PLEKHA7: variants seen among roughly 807,000 people sequenced by gnomAD.
PLEKHA7 encodes the protein pleckstrin homology domain containing A7.
Under a neutral mutation model 170.0 loss-of-function variants are expected in PLEKHA7, and 104 were observed. The ratio of observed to expected loss-of-function variants is 0.61; its 90% CI spans 0.52 to 0.72. The LOEUF (loss-of-function observed/expected upper bound fraction) is 0.72. Among genes scored for constraint, PLEKHA7 ranks in the 30% least tolerant of loss-of-function variants. The probability of loss-of-function intolerance (pLI) is 0.00; values close to 1 mark genes in which losing one functional copy is unlikely to be tolerated. For missense variants in PLEKHA7, 1,615 were observed against 1,671.7 expected (o/e 0.97, Z 0.59); for synonymous variants, 648 against 660.8 (o/e 0.98, Z 0.30).
intron 21 of PLEKHA7, chr11:16,790,098 T>C (rs1283125293): frequency 1.8e-6 from 1 of 557,426 alleles, no homozygotes; most frequent in Admixed American, 3.1e-5. Flanking sequence ...GCAGTGTCCC[T>C]GCAGATCTGT....
chr11:16,920,789 G>A lies in PLEKHA7; in HGVS notation c.222-49607C>T, dbSNP rs536757725. On this transcript the variant is annotated intron_variant, in intron 3 of 26. Transcript: ENST00000531066. ...GGAGCAGAGTGCACAGCTCCATGCC[G>A]TGGAAACTCTTTCTTTGCTAACCAG... is the stretch of plus-strand genomic sequence containing the variant. Among the ~76,000 whole-genome samples the A allele has an allele frequency of 8.5e-5, 13 of 152,298 alleles. 1 individual carries two copies. Among genetic ancestry groups the A allele is most frequent in the Middle Eastern group, 3.4e-3 (1 of 294 alleles).
intron 3 of PLEKHA7, among the ~76,000 whole-genome samples, chr11:16,921,753 T>C (rs1379400419): frequency 1.3e-5 from 2 of 152,236 alleles, no homozygotes; most frequent in Non-Finnish European, 2.9e-5. Flanking sequence ...TGGTATCTAG[T>C]TAGCTATCAA....
chr11:16,783,710 C>A lies in PLEKHA7; in HGVS notation c.3640G>T (p.Ala1214Ser). 2.0e-6 allele frequency: 3 copies of A among 1,466,558 alleles called. No homozygotes were observed. Among genetic ancestry groups the A allele is most frequent in the Non-Finnish European group, 2.7e-6 (3 of 1,112,748 alleles). The allele number at this position is 1,466,558 out of a possible 1,614,324, so 90.8% of individuals were successfully genotyped here. The change falls in exon 25 of 27, where the codon GCC becomes TCC. Residue 1214 changes from alanine to serine, a missense_variant. Coordinates refer to ENST00000531066, the MANE Select transcript of PLEKHA7 (RefSeq NM_001329630.2). ...RKAEKIRNIL[A>S]RSSMCNLQPT... ...CAAGCGAGGGCTGACCTTGACCGGGCGAGGATGTTGCGGATCTTCTCGGCT... is the reference window on the plus strand; with the variant it reads ...CAAGCGAGGGCTGACCTTGACCGGGAGAGGATGTTGCGGATCTTCTCGGCT...
At chr11:16,965,827 A>G (rs1484497131) in intron 3 of PLEKHA7, among the ~76,000 whole-genome samples, 1 of 152,202 alleles carries the variant, frequency 6.6e-6, no homozygotes, top group Non-Finnish European at 1.5e-5. Flanking sequence ...AGTAAATGAG[A>G]GAGTCCAGAT....
intron 3 of PLEKHA7, among the ~76,000 whole-genome samples, chr11:16,900,710 G>C (rs1408630810): frequency 1.3e-5 from 2 of 152,136 alleles, no homozygotes; most frequent in Non-Finnish European, 2.9e-5. Flanking sequence ...TTTGAGGAAT[G>C]GCTCAATTCC....
At chr11:16,888,243 C>T (rs997598583) in intron 3 of PLEKHA7, among the ~76,000 whole-genome samples, 32 of 126,608 alleles carry the variant, frequency 2.5e-4, no homozygotes, top group Admixed American at 4.1e-4. Context: ...ACCCAGCAGC[C>T]GCCCCGTCCA....
At chr11:16,833,986 T>C (rs1296872707) in intron 9 of PLEKHA7, among the ~76,000 whole-genome samples, 1 of 151,884 alleles carries the variant, frequency 6.6e-6, no homozygotes, top group African/African-American at 2.4e-5. Flanking sequence ...GAGTTTTATA[T>C]ATAGATATAT....
At position 16,786,530 on chromosome 11, in the gene PLEKHA7, C is replaced by T. The variant is rs909419659; in HGVS notation, c.3358-143G>A. On this transcript the variant is annotated intron_variant, in intron 23 of 26. Transcript: ENST00000531066. Reference sequence around the variant, plus strand: ...GCTGTATGTGCAATAGAGAATGAAGCTGCTGTCCCCTTCATATGGGCTGTT... The same window carrying T: ...GCTGTATGTGCAATAGAGAATGAAGTTGCTGTCCCCTTCATATGGGCTGTT... The T allele has an allele frequency of 3.4e-6, 5 of 1,461,478 alleles. No individual in the cohort carries two copies. The African/African-American group carries it at 7.1e-5, about 21-fold the overall frequency. 90.5% of individuals were successfully genotyped at this position (1,461,478 alleles called of 1,614,324 possible).
chr11:16,880,881 AT>A (rs1490750179), intron 3 of PLEKHA7, among the ~76,000 whole-genome samples: 1 of 152,198 alleles, frequency 6.6e-6, no homozygotes, highest in Admixed American at 6.5e-5. Context: ...TGTTTCCAGG[AT>A]GTTCCCTCCA....
chr11:16,981,880 G>A (rs1472620313), intron 3 of PLEKHA7, among the ~76,000 whole-genome samples: 1 of 152,150 alleles, frequency 6.6e-6, no homozygotes, highest in South Asian at 2.1e-4. Context: ...TCATGGAGCC[G>A]GAATGCAGGG....
intron 3 of PLEKHA7, among the ~76,000 whole-genome samples, chr11:16,971,089 T>A (rs1228267616): frequency 1.3e-5 from 2 of 152,200 alleles, no homozygotes; most frequent in Non-Finnish European, 2.9e-5. Flanking sequence ...AGAGAATATC[T>A]TACTGTGTTT....
chr11:16,817,040 G>T lies in PLEKHA7; in HGVS notation c.1626C>A (p.Cys542Ter). Residue 542 changes from cysteine (C) to a stop codon, truncating the protein, a stop_gained, in exon 11 of 27, where the codon TGC becomes TGA. Coordinates refer to ENST00000531066, the MANE Select transcript of PLEKHA7 (RefSeq NM_001329630.2). LOFTEE classifies it high-confidence loss of function. The surrounding 1 kb of genome is among the most constrained non-coding windows in gnomAD (Gnocchi z 4.4). ...FRHGSPTAPI[C>*]LGSPEFTDQG... is the part of the protein sequence containing the mutation. Reference sequence around the variant, plus strand: ...GGTCGGTGAACTCTGGGGAGCCAAGGCAGATGGGCGCTGTGGGGCTGCCGT... The same window carrying T: ...GGTCGGTGAACTCTGGGGAGCCAAGTCAGATGGGCGCTGTGGGGCTGCCGT... 6.2e-7 allele frequency: 1 copy of T among 1,607,354 alleles called. No homozygotes were observed. The highest frequency in any genetic ancestry group is 8.5e-7 in the Non-Finnish European group (1 of 1,176,080).
chr11:16,972,772 C>T (rs931581735), intron 3 of PLEKHA7, among the ~76,000 whole-genome samples: 29 of 152,168 alleles, frequency 1.9e-4, no homozygotes, highest in African/African-American at 5.3e-4. Flanking sequence ...CACCTCCAAA[C>T]ATAAATAGCC....
intron 8 of PLEKHA7, among the ~76,000 whole-genome samples, chr11:16,850,087 T>C (rs996191971): frequency 6.6e-6 from 1 of 152,184 alleles, no homozygotes; most frequent in Non-Finnish European, 1.5e-5. Flanking sequence ...GCTCACACCA[T>C]GGACACCACA....
At chr11:16,955,745 G>A (rs548436092) in intron 3 of PLEKHA7, among the ~76,000 whole-genome samples, 1 of 152,284 alleles carries the variant, frequency 6.6e-6, no homozygotes, top group South Asian at 2.1e-4. Flanking sequence ...TAGAATGGGG[G>A]CTTGGGGGAA....
At chr11:16,828,949 A>T (rs1392225152) in intron 9 of PLEKHA7, among the ~76,000 whole-genome samples, 9 of 152,136 alleles carry the variant, frequency 5.9e-5, no homozygotes, top group Admixed American at 5.9e-4. Context: ...AAGCTCCTAC[A>T]TCTAACCATA....
intron 3 of PLEKHA7, among the ~76,000 whole-genome samples, chr11:16,910,333 C>A (rs1037375937): frequency 6.6e-6 from 1 of 152,220 alleles, no homozygotes; most frequent in South Asian, 2.1e-4. Context: ...AGGCAAATTG[C>A]AGATTGGAGT....
At position 16,789,382 on chromosome 11, in the gene PLEKHA7, T is replaced by C; in HGVS notation, c.3157-86A>G. 3 of 1,307,408 alleles carry C rather than the reference T, an allele frequency of 2.3e-6. No individual in the cohort carries two copies. Among genetic ancestry groups the C allele is most frequent in the South Asian group, 2.4e-5 (2 of 82,172 alleles). 81.0% of individuals were successfully genotyped at this position (1,307,408 alleles called of 1,614,324 possible). A position where few individuals can be genotyped will look rare whatever the true frequency, so the allele number is the denominator to read the frequency against. On this transcript the variant is annotated intron_variant, in intron 22 of 26. Coordinates refer to ENST00000531066, the MANE Select transcript of PLEKHA7 (RefSeq NM_001329630.2). This position sits in a 1 kb window ranked among gnomAD's most constrained non-coding sequence, Gnocchi z 4.6. ...AGCCACCCTGCTGGCTGCATTCCCG[T>C]TGTCTCTCTCTCACACACATGCACA...
At chr11:16,936,075 G>GA (rs1284272919) in intron 3 of PLEKHA7, among the ~76,000 whole-genome samples, 20 of 152,260 alleles carry the variant, frequency 1.3e-4, no homozygotes, top group Middle Eastern at 3.4e-3. Context: ...GCTGAATAGA[G>GA]AAAGTTTAAT....
Sources: gnomAD v4.1 joint callset for allele counts (sites outside exome capture counted in the v4.1 genomes callset) on GRCh38, gnomAD v4.1.1 for gene constraint, Gnocchi (gnomAD v3.1) non-coding constraint, MANE v1.5 for transcripts, NCBI Gene and HGNC (gene_info 2026-07-23, HGNC 2026-07-21) for gene names.